PEAK1: variants seen among roughly 807,000 people sequenced by gnomAD.
PEAK1 encodes the protein inactive tyrosine-protein kinase PEAK1.
PEAK1 carries 54 observed loss-of-function variants against 124.7 expected under a neutral mutation model. That is an observed-to-expected ratio of 0.43 (90% confidence interval 0.35 to 0.54). PEAK1 has a LOEUF of 0.54. Ranked by LOEUF, PEAK1 falls within the 20% of genes least tolerant of loss-of-function variation. The pLI, the probability that PEAK1 is intolerant of heterozygous loss-of-function variation, is 0.01. For synonymous variants in PEAK1, 719 were observed against 760.0 expected (o/e 0.95, Z 0.89); for missense variants, 2,046 against 2,134.5 (o/e 0.96, Z 0.82).
chr15:77,304,443 T>C (rs1430940317), intron 2 of PEAK1, among the ~76,000 whole-genome samples: 1 of 30,540 alleles, frequency 3.3e-5, no homozygotes, highest in Non-Finnish European at 8.7e-5. Flanking sequence ...CCTGTATACA[T>C]TTTTTTTTTT....
chr15:77,369,210 G>A (rs2068473697), intron 1 of PEAK1, among the ~76,000 whole-genome samples: 1 of 152,070 alleles, frequency 6.6e-6, no homozygotes. Context: ...TGTGAATCAC[G>A]GTACAGATAG....
At chr15:77,238,598 C>G (rs936800962) in intron 6 of PEAK1, among the ~76,000 whole-genome samples, 4 of 152,088 alleles carry the variant, frequency 2.6e-5, no homozygotes, top group African/African-American at 9.7e-5. Flanking sequence ...GGTTGTGACC[C>G]TATCTTTTTT....
intron 1 of PEAK1, among the ~76,000 whole-genome samples, chr15:77,380,690 G>T (rs954455065): frequency 7.9e-5 from 12 of 151,672 alleles, no homozygotes; most frequent in African/African-American, 2.9e-4. Flanking sequence ...TGTTGCCCAG[G>T]CTGGTTTCAA....
In PEAK1 at chr15:77,133,060, G is replaced by A. The variant is rs761514541; in HGVS notation, c.4022C>T (p.Ala1341Val). The A allele has an allele frequency of 7.4e-6, 12 of 1,614,076 alleles. No individual in the cohort carries two copies. Among genetic ancestry groups the A allele is most frequent in the East Asian group, 2.2e-5 (1 of 44,874 alleles). ...SDKPCCEAGD[A>V]VYYTASYAKD... Reference sequence around the variant, plus strand: ...TGCATATGAAGCAGTATAGTAAACCGCATCACCTGCCTCACAACATGGTTT... The same window carrying A: ...TGCATATGAAGCAGTATAGTAAACCACATCACCTGCCTCACAACATGGTTT... The change falls in exon 9 of 10, where the codon GCG becomes GTG. Residue 1341 changes from alanine to valine, a missense_variant. Coordinates refer to ENST00000682557, the MANE Select transcript of PEAK1 (RefSeq NM_001385026.1). This position sits in a 1 kb window ranked among gnomAD's most constrained non-coding sequence, Gnocchi z 4.2.
intron 2 of PEAK1, among the ~76,000 whole-genome samples, chr15:77,327,842 T>C (rs2065670100): frequency 6.6e-6 from 1 of 152,036 alleles, no homozygotes; most frequent in Non-Finnish European, 1.5e-5. Context: ...TTAAGGAAGA[T>C]ACTCACATTT....
intron 2 of PEAK1, among the ~76,000 whole-genome samples, chr15:77,338,780 T>C (rs1027338316): frequency 1.3e-5 from 2 of 151,990 alleles, no homozygotes; most frequent in African/African-American, 2.4e-5. Flanking sequence ...AACTAAATCA[T>C]AGTAAATTCC....
chr15:77,259,926 G>A lies in PEAK1; in HGVS notation c.-274-7400C>T, dbSNP rs145364746. ...TATGGAGCAGAATTCCAGAGAAGAG[G>A]GAGACAGCTAAAGTAATCTGAATAA... On this transcript the variant is annotated intron_variant, in intron 5 of 9. Coordinates refer to ENST00000682557, the MANE Select transcript of PEAK1 (RefSeq NM_001385026.1). Among the ~76,000 whole-genome samples, 22 of 152,174 alleles carry A rather than the reference G, an allele frequency of 1.4e-4. No individual in the cohort carries two copies. The East Asian group carries it at 4.1e-3, about 28-fold the overall frequency.
intron 6 of PEAK1, among the ~76,000 whole-genome samples, chr15:77,213,868 A>G (rs1411930268): frequency 6.6e-6 from 1 of 152,202 alleles, no homozygotes; most frequent in African/African-American, 2.4e-5. Flanking sequence ...TAACCAACAT[A>G]ACAATGAAGA....
intron 2 of PEAK1, among the ~76,000 whole-genome samples, chr15:77,327,822 G>A (rs1404917153): frequency 6.6e-6 from 1 of 151,882 alleles, no homozygotes; most frequent in Non-Finnish European, 1.5e-5. Context: ...CAAAGATAAA[G>A]TGATGAAAAT....
chr15:77,336,441 T>C (rs1013707226), intron 2 of PEAK1: 24 of 985,290 alleles, frequency 2.4e-5, no homozygotes, highest in Non-Finnish European at 2.5e-5. Context: ...TAACCTACTT[T>C]GGTTTTATAT....
rs189488393 is a variant in PEAK1 at position 77,419,533 on chromosome 15, C to T, written c.-666+473G>A. 1,189 of 985,264 alleles carry T rather than the reference C, an allele frequency of 1.2e-3. 12 individuals are homozygous for T. In the African/African-American group the frequency reaches 0.016, roughly 14 times the overall value. 61.0% of individuals were successfully genotyped at this position (985,264 alleles called of 1,614,324 possible). A position where few individuals can be genotyped will look rare whatever the true frequency, so the allele number is the denominator to read the frequency against. ...CGTCCCGACGCTGCCGGCGAGGCTG[C>T]GCCGATGCTCCCGGGTGCGGGAGCG... On this transcript the variant is annotated intron_variant, in intron 1 of 9. Coordinates refer to ENST00000682557, the MANE Select transcript of PEAK1 (RefSeq NM_001385026.1).
chr15:77,173,895 T>G (rs1209262460), intron 7 of PEAK1, among the ~76,000 whole-genome samples: 1 of 152,342 alleles, frequency 6.6e-6, no homozygotes, highest in East Asian at 1.9e-4. Context: ...CTGAACACAT[T>G]GTTTTAGCAT....
At chr15:77,417,993 T>C in intron 1 of PEAK1, 10 of 970,656 alleles carry the variant, frequency 1.0e-5, no homozygotes, top group Non-Finnish European at 1.2e-5. Context: ...AGTACACGTA[T>C]AATGCATTCC....
chr15:77,344,789 T>G (rs1407852028), intron 2 of PEAK1, among the ~76,000 whole-genome samples: 3 of 152,252 alleles, frequency 2.0e-5, no homozygotes, highest in Non-Finnish European at 4.4e-5. Context: ...AATTTATTCA[T>G]AAGTGTTTTA....
At chr15:77,418,903 T>A in intron 1 of PEAK1, 1 of 985,376 alleles carries the variant, frequency 1.0e-6, no homozygotes, top group Non-Finnish European at 1.2e-6. Context: ...GCAATCCCAA[T>A]TCAGGTGAAA....
intron 2 of PEAK1, chr15:77,348,029 T>C (rs185566239): frequency 3.1e-5 from 31 of 985,348 alleles, no homozygotes; most frequent in Admixed American, 6.1e-5. Flanking sequence ...TCCCAAACTA[T>C]GCACATGGCT....
intron 1 of PEAK1, chr15:77,402,540 A>C: frequency 1.0e-6 from 1 of 973,360 alleles, no homozygotes; most frequent in Non-Finnish European, 1.2e-6. Context: ...GAAAAAGAAA[A>C]AATCAAGTTT....
At position 77,180,192 on chromosome 15, in the gene PEAK1, A is replaced by G; in HGVS notation, c.1735T>C (p.Ser579Pro). ...APTSPTATNISSKTIPVKSPN... is the reference protein window; with the variant it reads ...APTSPTATNIPSKTIPVKSPN... ...GACTTAACAGGGATGGTTTTGGAGG[A>G]AATGTTTGTAGCTGTGGGTGATGTA... Residue 579 changes from serine (S) to proline (P), a missense_variant, in exon 7 of 10, where the codon TCC becomes CCC. Physicochemically the swap from Ser to Pro is moderately conservative, Grantham distance 74. Coordinates refer to ENST00000682557, the MANE Select transcript of PEAK1 (RefSeq NM_001385026.1). The G allele has an allele frequency of 6.2e-7, 1 of 1,614,106 alleles. No homozygotes were observed. The highest frequency in any genetic ancestry group is 8.5e-7 in the Non-Finnish European group (1 of 1,180,014).
At chr15:77,227,657 A>G (rs2059735712) in intron 6 of PEAK1, among the ~76,000 whole-genome samples, 1 of 152,156 alleles carries the variant, frequency 6.6e-6, no homozygotes, top group Non-Finnish European at 1.5e-5. Flanking sequence ...ATAAATAAGA[A>G]AAAAGTCCTA....
Sources: allele counts gnomAD v4.1 joint callset (sites outside exome capture counted in the v4.1 genomes callset), GRCh38; gene constraint gnomAD v4.1.1; non-coding constraint Gnocchi (gnomAD v3.1); transcripts MANE v1.5; gene names NCBI Gene and HGNC (gene_info 2026-07-23, HGNC 2026-07-21).